XXYLT1: variants seen among roughly 807,000 people sequenced by gnomAD.
The protein encoded by XXYLT1 is UDP-xylose:alpha-xyloside alpha-1,3-xylosyltransferase.
XXYLT1 carries 20 observed loss-of-function variants against 28.9 expected under a neutral mutation model. The ratio of observed to expected loss-of-function variants is 0.69; its 90% CI spans 0.49 to 1.00. The LOEUF (loss-of-function observed/expected upper bound fraction) is 1.00. XXYLT1 is among the 50% of genes least tolerant of loss of function. The pLI is 0.00. For missense variants in XXYLT1, 542 were observed against 560.1 expected, an observed-to-expected ratio of 0.97 and a Z score of 0.33; for synonymous variants, 257 against 253.8, an observed-to-expected ratio of 1.01 and a Z score of -0.12.
rs144767563 is a variant in XXYLT1 at position 195,228,093 on chromosome 3, G to A, written c.505-1237C>T. ...ACCTTCTTCCTCAGTGCTCCTAAGA[G>A]TTCTGCAAGCGCCACCTCCCGCCAC... On this transcript the variant is annotated intron_variant, in intron 1 of 3. Transcript: ENST00000310380. Among the ~76,000 whole-genome samples, 17 of 152,312 alleles carry A rather than the reference G, an allele frequency of 1.1e-4. No individual in the cohort carries two copies. The East Asian group carries it at 3.3e-3, about 29-fold the overall frequency.
intron 2 of XXYLT1, among the ~76,000 whole-genome samples, chr3:195,171,735 T>C (rs1455214474): frequency 6.6e-6 from 1 of 152,256 alleles, no homozygotes; most frequent in Non-Finnish European, 1.5e-5. Flanking sequence ...TCTGTATTCA[T>C]GGTCTGGTTC....
intron 3 of XXYLT1, among the ~76,000 whole-genome samples, chr3:195,153,658 ATAAT>A (rs1333032826): frequency 2.6e-5 from 4 of 152,228 alleles, no homozygotes; most frequent in African/African-American, 9.6e-5. Context: ...GGAAGTCCAG[ATAAT>A]TAAACTGATT....
At chr3:195,155,488 C>G (rs1286525071) in intron 3 of XXYLT1, among the ~76,000 whole-genome samples, 2 of 152,006 alleles carry the variant, frequency 1.3e-5, no homozygotes, top group Non-Finnish European at 2.9e-5. Context: ...CCCAGGGCCA[C>G]AGGCCTGGTT....
intron 1 of XXYLT1, among the ~76,000 whole-genome samples, chr3:195,245,635 C>T (rs555235951): frequency 6.6e-6 from 1 of 152,310 alleles, no homozygotes; most frequent in South Asian, 2.1e-4. Flanking sequence ...ATGTGTGTCT[C>T]CTCCAAATCT....
intron 1 of XXYLT1, among the ~76,000 whole-genome samples, chr3:195,239,519 G>A (rs1724691791): frequency 6.6e-6 from 1 of 152,076 alleles, no homozygotes; most frequent in Non-Finnish European, 1.5e-5. Flanking sequence ...CCAATGAGAA[G>A]ACACAAAACA....
rs948474595 is a variant in XXYLT1 at position 195,255,941 on chromosome 3, G to C, written c.504+14614C>G. 2.0e-5 allele frequency among the ~76,000 whole-genome samples: 3 copies of C among 152,114 alleles called. No homozygotes were observed. The highest frequency in any genetic ancestry group is 7.2e-5 in the African/African-American group (3 of 41,414). On this transcript the variant is annotated intron_variant, in intron 1 of 3. Transcript: ENST00000310380. The surrounding 1 kb of genome is among the most constrained non-coding windows in gnomAD (Gnocchi z 4.5). ...GAAAGAGGCTCCCTGCTGTTCTATG[G>C]GCAGCTCCTGGAGGAGGGAGGGAAG...
chr3:195,163,067 A>C (rs1435398025), intron 2 of XXYLT1, among the ~76,000 whole-genome samples: 3 of 152,138 alleles, frequency 2.0e-5, no homozygotes, highest in African/African-American at 4.8e-5. Context: ...TGTTCACAAC[A>C]GTTAGACCGA....
intron 1 of XXYLT1, among the ~76,000 whole-genome samples, chr3:195,227,462 C>T (rs57602429): frequency 0.062 from 9,435 of 152,254 alleles, 1,014 homozygotes; most frequent in African/African-American, 0.21. Flanking sequence ...CACTGACACT[C>T]TGGAGGCACT....
chr3:195,084,494 C>G (rs999266823), intron 3 of XXYLT1, among the ~76,000 whole-genome samples: 3 of 152,208 alleles, frequency 2.0e-5, no homozygotes, highest in African/African-American at 7.2e-5. Flanking sequence ...TAGGGCACCA[C>G]AAGACTGCCT....
chr3:195,094,571 C>T (rs1281328766), intron 3 of XXYLT1: 1 of 153,952 alleles, frequency 6.5e-6, no homozygotes, highest in Non-Finnish European at 1.5e-5. Context: ...GCTTCGATCC[C>T]ACATTCACAA....
intron 1 of XXYLT1, among the ~76,000 whole-genome samples, chr3:195,242,285 T>C (rs1470912837): frequency 6.6e-6 from 1 of 152,174 alleles, no homozygotes; most frequent in Admixed American, 6.5e-5. Context: ...TTCTTCCACA[T>C]AGGACTTACT....
At chr3:195,140,967 A>G (rs1719458455) in intron 3 of XXYLT1, among the ~76,000 whole-genome samples, 1 of 152,090 alleles carries the variant, frequency 6.6e-6, no homozygotes. Context: ...TAGTGCCCTT[A>G]TGAGAGACAT....
At chr3:195,084,805 A>C (rs1022921100) in intron 3 of XXYLT1, among the ~76,000 whole-genome samples, 1 of 152,202 alleles carries the variant, frequency 6.6e-6, no homozygotes, top group Non-Finnish European at 1.5e-5. Flanking sequence ...TGAAGAGCAC[A>C]GTGAATCACA....
Position 195,255,715 on chromosome 3 carries a change from T to G in XXYLT1, c.504+14840A>C, listed in dbSNP as rs2108846874. Among the ~76,000 whole-genome samples, 1 of 152,180 alleles carries G rather than the reference T, an allele frequency of 6.6e-6. No homozygotes were observed. The highest frequency in any genetic ancestry group is 2.4e-5 in the African/African-American group (1 of 41,522). On this transcript the variant is annotated intron_variant, in intron 1 of 3. Coordinates refer to ENST00000310380, the MANE Select transcript of XXYLT1 (RefSeq NM_152531.5). This position sits in a 1 kb window ranked among gnomAD's most constrained non-coding sequence, Gnocchi z 4.5. ...ACCAGAGAGGGCACAGGAGAGCTGC[T>G]CCCAGTCTCCCTTGTCCACTGAGCA...
At chr3:195,156,413 G>T (rs1560125393) in intron 3 of XXYLT1, 36 bp downstream of exon 3, 1 of 1,605,350 alleles carries the variant, frequency 6.2e-7, no homozygotes, top group East Asian at 2.2e-5. Flanking sequence ...GGTGGGGAGG[G>T]GTCGTGGAGG....
At chr3:195,253,147 T>C (rs1470753218) in intron 1 of XXYLT1, among the ~76,000 whole-genome samples, 1 of 152,170 alleles carries the variant, frequency 6.6e-6, no homozygotes, top group African/African-American at 2.4e-5. Context: ...CTCCTGCCCT[T>C]TTCTTGGACC....
chr3:195,200,518 G>A (rs577812497), intron 2 of XXYLT1, among the ~76,000 whole-genome samples: 7 of 152,308 alleles, frequency 4.6e-5, no homozygotes, highest in African/African-American at 1.2e-4. Flanking sequence ...TAAAAGACAT[G>A]CAACAGGACA....
chr3:195,180,620 G>T lies in XXYLT1; in HGVS notation c.653-24039C>A. The stretch of plus-strand genomic sequence containing the variant: ...GTGATGTGGCCCCGTCTGGCTAAGA[G>T]CACCAGACGGCGGTGGCTGGAGCAC... On this transcript the variant is annotated intron_variant, in intron 2 of 3. Transcript: ENST00000310380. The surrounding 1 kb of genome is among the most constrained non-coding windows in gnomAD (Gnocchi z 5.8). 1.1e-6 allele frequency: 1 copy of T among 915,392 alleles called. No homozygotes were observed. Among genetic ancestry groups the T allele is most frequent in the Non-Finnish European group, 1.3e-6 (1 of 765,870 alleles). 56.7% of individuals were successfully genotyped at this position (915,392 alleles called of 1,614,324 possible).
chr3:195,268,267 T>C (rs1463643452), intron 1 of XXYLT1, among the ~76,000 whole-genome samples: 1 of 134,840 alleles, frequency 7.4e-6, no homozygotes, highest in African/African-American at 2.8e-5. Flanking sequence ...CCATCTCTAC[T>C]AAAAATACAA....
Sources: allele counts gnomAD v4.1 joint callset (sites outside exome capture counted in the v4.1 genomes callset), GRCh38; gene constraint gnomAD v4.1.1; non-coding constraint Gnocchi (gnomAD v3.1); transcripts MANE v1.5; gene names NCBI Gene and HGNC (gene_info 2026-07-23, HGNC 2026-07-21).